Variants in VSIG1 observed in about 807,000 individuals in gnomAD.
VSIG1 encodes the protein V-set and immunoglobulin domain containing 1.
In VSIG1, 11 loss-of-function variants were observed where a neutral mutation model predicts 20.1. The ratio of observed to expected loss-of-function variants is 0.55; its 90% CI spans 0.34 to 0.91. The LOEUF (loss-of-function observed/expected upper bound fraction) is 0.91, where lower values mean the gene tolerates loss of function less well. VSIG1 is among the 40% of genes least tolerant of loss of function. VSIG1 has a pLI of 0.02. For synonymous variants in VSIG1, 126 were observed against 116.7 expected (o/e 1.08, Z -0.52); for missense variants, 283 against 298.8 (o/e 0.95, Z 0.39).
upstream of VSIG1, among the ~76,000 whole-genome samples, chrX:108,042,806 C>G (rs2030499776): frequency 8.9e-6 from 1 of 111,823 alleles, no homozygotes; most frequent in Non-Finnish European, 1.9e-5. Context: ...CAAACTATTT[C>G]TCTTTATTGC....
intron 2 of VSIG1, among the ~76,000 whole-genome samples, chrX:108,062,893 C>T (rs1401601753): frequency 1.8e-5 from 2 of 112,441 alleles, no homozygotes; most frequent in African/African-American, 6.5e-5. Context: ...TCTGCAAAAG[C>T]AGCTCTGGAA....
chrX:108,036,650 A>G, the VSIG1 span, among the ~76,000 whole-genome samples: 1 of 111,850 alleles, frequency 8.9e-6, no homozygotes, highest in Non-Finnish European at 1.9e-5. Context: ...TTCCCTCTAA[A>G]ACAGGAAACA....
chrX:108,055,709 A>T (rs1186343519), intron 1 of VSIG1, among the ~76,000 whole-genome samples: 1 of 88,936 alleles, frequency 1.1e-5, no homozygotes, highest in South Asian at 4.6e-4. Context: ...AGAAAAAAAA[A>T]TATGATCATA....
chrX:108,038,407 A>G, the VSIG1 span, among the ~76,000 whole-genome samples: 1 of 111,641 alleles, frequency 9.0e-6, no homozygotes, highest in Non-Finnish European at 1.9e-5. Context: ...AGCTTCATCC[A>G]TGTCCCTGCA....
intron 1 of VSIG1, among the ~76,000 whole-genome samples, chrX:108,046,025 A>G (rs1000202294): frequency 9.0e-6 from 1 of 111,609 alleles, no homozygotes; most frequent in Non-Finnish European, 1.9e-5. Context: ...GGATGCACAC[A>G]TATGCCTAGA....
the VSIG1 span, among the ~76,000 whole-genome samples, chrX:108,025,271 A>G: frequency 8.9e-6 from 1 of 112,192 alleles, no homozygotes; most frequent in South Asian, 3.7e-4. Context: ...CTTATTGTTC[A>G]CTATTGTTTT....
chrX:108,038,928 A>G, the VSIG1 span, among the ~76,000 whole-genome samples: 128 of 111,912 alleles, frequency 1.1e-3, no homozygotes, highest in Non-Finnish European at 1.9e-3. Context: ...AGAATTAATG[A>G]TATTTTTCCA....
chrX:108,023,140 C>T, the VSIG1 span, among the ~76,000 whole-genome samples: 1 of 111,951 alleles, frequency 8.9e-6, no homozygotes, highest in African/African-American at 3.2e-5. Flanking sequence ...AGAGAAGTTC[C>T]CTTCTATTCC....
chrX:108,021,448 T>C, the VSIG1 span, among the ~76,000 whole-genome samples: 41 of 112,416 alleles, frequency 3.6e-4, no homozygotes, highest in Middle Eastern at 4.6e-3. Context: ...TTATATATTA[T>C]GGATACTAGA....
the VSIG1 span, among the ~76,000 whole-genome samples, chrX:108,037,384 T>C: frequency 8.9e-6 from 1 of 112,147 alleles, no homozygotes; most frequent in East Asian, 2.8e-4. Flanking sequence ...TCTCTCATGC[T>C]GGTGCCATAA....
chrX:108,043,791 G>A (rs1274381120), upstream of VSIG1, among the ~76,000 whole-genome samples: 1 of 111,896 alleles, frequency 8.9e-6, no homozygotes, highest in Non-Finnish European at 1.9e-5. Context: ...AACATTTCCT[G>A]TAAATTAAAG....
the VSIG1 span, among the ~76,000 whole-genome samples, chrX:108,022,508 A>G: frequency 9.0e-6 from 1 of 111,686 alleles, no homozygotes; most frequent in Non-Finnish European, 1.9e-5. Context: ...AGTACTTTTC[A>G]TTCTTTTCCT....
At chrX:108,060,965 C>T (rs2281155) in intron 2 of VSIG1, among the ~76,000 whole-genome samples, 5,720 of 112,098 alleles carry the variant, frequency 0.051, 127 homozygotes, top group East Asian at 0.094. Context: ...AGAAGATACA[C>T]TTGAACAGGG....
chrX:108,030,579 A>T, the VSIG1 span, among the ~76,000 whole-genome samples: 1 of 112,385 alleles, frequency 8.9e-6, no homozygotes, highest in African/African-American at 3.2e-5. Context: ...GGCTTTATTC[A>T]GTTGATGTGC....
At chrX:108,034,644 T>TACTG in the VSIG1 span, among the ~76,000 whole-genome samples, 3 of 112,774 alleles carry the variant, frequency 2.7e-5, no homozygotes, top group Non-Finnish European at 5.6e-5. Context: ...CGAGAGCACT[T>TACTG]ACTGTCTGCA....
At chrX:108,076,685 A>G (rs2031354760) in intron 6 of VSIG1, among the ~76,000 whole-genome samples, 1 of 111,189 alleles carries the variant, frequency 9.0e-6, no homozygotes, top group Non-Finnish European at 1.9e-5. Context: ...TGCTTCTACA[A>G]CTATCTATTG....
the VSIG1 span, among the ~76,000 whole-genome samples, chrX:108,038,991 T>A: frequency 2.7e-5 from 3 of 111,628 alleles, no homozygotes; most frequent in African/African-American, 9.8e-5. Flanking sequence ...ACATTTCAAG[T>A]GTTCAAAAGC....
At chrX:108,075,425 A>G (rs995056230) in intron 5 of VSIG1, among the ~76,000 whole-genome samples, 1 of 111,744 alleles carries the variant, frequency 8.9e-6, no homozygotes, top group Non-Finnish European at 1.9e-5. Context: ...AATCATAAAA[A>G]GTTAAAGGAA....
At chrX:108,023,157 T>C in the VSIG1 span, among the ~76,000 whole-genome samples, 1 of 112,462 alleles carries the variant, frequency 8.9e-6, no homozygotes, top group African/African-American at 3.2e-5. Context: ...TTCCTAGTTT[T>C]TCAGTGCTTT....
Sources: gnomAD v4.1 joint callset for allele counts (sites outside exome capture counted in the v4.1 genomes callset) on GRCh38, gnomAD v4.1.1 for gene constraint, MANE v1.5 for transcripts, NCBI Gene and HGNC (gene_info 2026-07-23, HGNC 2026-07-21) for gene names.